Variants in RAB1A observed in about 807,000 individuals in gnomAD.
RAB1A encodes RAB1A, member RAS oncogene family, also known as ras-related protein Rab-1A.
In RAB1A, 2 loss-of-function variants were observed where a neutral mutation model predicts 26.0. The ratio of observed to expected loss-of-function variants is 0.08; its 90% CI spans 0.03 to 0.24. The LOEUF is 0.24. Ranked by LOEUF, RAB1A falls within the 10% of genes least tolerant of loss-of-function variation. The probability of loss-of-function intolerance (pLI) is 1.00; values close to 1 mark genes in which losing one functional copy is unlikely to be tolerated. For missense variants in RAB1A, 100 were observed against 247.0 expected (o/e 0.40, Z 3.99); for synonymous variants, 84 against 84.9 (o/e 0.99, Z 0.06).
At chr2:65,126,310 T>C (rs1291852338) in intron 1 of RAB1A, among the ~76,000 whole-genome samples, 1 of 149,400 alleles carries the variant, frequency 6.7e-6, no homozygotes, top group African/African-American at 2.5e-5. Flanking sequence ...TGAGACTCCA[T>C]CTCGAAAAAA....
intron 1 of RAB1A, among the ~76,000 whole-genome samples, chr2:65,124,578 G>T (rs1670053551): frequency 6.6e-6 from 1 of 152,134 alleles, no homozygotes. Flanking sequence ...TTCCCAAGCA[G>T]CTGGGACTAC....
At chr2:65,091,522 G>A (rs531432952) in intron 3 of RAB1A, among the ~76,000 whole-genome samples, 187 of 152,184 alleles carry the variant, frequency 1.2e-3, no homozygotes, top group African/African-American at 4.4e-3. Context: ...ATCATCCCAA[G>A]CAGGTGTCTT....
At chr2:65,091,432 C>G (rs1223446500) in intron 3 of RAB1A, among the ~76,000 whole-genome samples, 1 of 152,198 alleles carries the variant, frequency 6.6e-6, no homozygotes, top group Non-Finnish European at 1.5e-5. Context: ...AAGACAAACT[C>G]ACTTGCTAGC....
intron 1 of RAB1A, among the ~76,000 whole-genome samples, chr2:65,114,361 T>C (rs1340046372): frequency 6.6e-6 from 1 of 152,176 alleles, no homozygotes; most frequent in Non-Finnish European, 1.5e-5. Context: ...CAAATACAAA[T>C]TTATAAAAAC....
intron 3 of RAB1A, among the ~76,000 whole-genome samples, chr2:65,093,902 G>C (rs769399673): frequency 2.0e-5 from 3 of 151,838 alleles, no homozygotes. Flanking sequence ...GATTACAGGC[G>C]TGAGCCACCG....
chr2:65,088,354 T>C lies in RAB1A; in HGVS notation c.*139A>G. 1.4e-6 allele frequency: 1 copy of C among 699,342 alleles called. No homozygotes were observed. The highest frequency in any genetic ancestry group is 2.3e-6 in the Non-Finnish European group (1 of 439,520). 43.3% of individuals were successfully genotyped at this position (699,342 alleles called of 1,614,324 possible). A position where few individuals can be genotyped will look rare whatever the true frequency, so the allele number is the denominator to read the frequency against. Reference sequence around the variant, plus strand: ...ATAAAAAAAAAGTCAGTATTGACCATTTACAATCTCTGACCTTTGTGGAGA... The same window carrying C: ...ATAAAAAAAAAGTCAGTATTGACCACTTACAATCTCTGACCTTTGTGGAGA... On this transcript the variant is annotated 3_prime_UTR_variant, in exon 6 of 6. Transcript: ENST00000409784.
intron 1 of RAB1A, among the ~76,000 whole-genome samples, chr2:65,114,958 A>T (rs1669792042): frequency 6.6e-6 from 1 of 152,222 alleles, no homozygotes; most frequent in Admixed American, 6.5e-5. Context: ...CATTCTCTCA[A>T]AAGTGGGTTA....
intron 1 of RAB1A, 86 bp from the exon 2 acceptor site, chr2:65,104,892 A>G: frequency 9.1e-7 from 1 of 1,096,856 alleles, no homozygotes; most frequent in Non-Finnish European, 1.4e-6. Flanking sequence ...AGCTACAAAT[A>G]ACAACTCACT....
At chr2:65,120,708 AACGTGAGTATGGCTAC>A (rs1421358815) in intron 1 of RAB1A, among the ~76,000 whole-genome samples, 3 of 152,182 alleles carry the variant, frequency 2.0e-5, no homozygotes, top group Non-Finnish European at 4.4e-5. Context: ...CATCAAATGT[AACGTGAGTATGGCTAC>A]ACGACCATAA....
chr2:65,129,801 T>C (rs1199526702), intron 1 of RAB1A, 92 bp downstream of exon 1: 5 of 1,537,816 alleles, frequency 3.3e-6, no homozygotes, highest in African/African-American at 2.8e-5. Context: ...CCCCAGCCGA[T>C]GCCCCGACTT....
At chr2:65,104,903 G>A (rs1669517672) in intron 1 of RAB1A, 97 bp from the exon 2 acceptor site, 1 of 1,001,316 alleles carries the variant, frequency 1.0e-6, no homozygotes, top group South Asian at 1.3e-5. Flanking sequence ...ACAACTCACT[G>A]TGAAGACTAC....
intron 1 of RAB1A, among the ~76,000 whole-genome samples, chr2:65,124,973 C>CAAA (rs1670063264): frequency 6.7e-6 from 1 of 148,924 alleles, no homozygotes; most frequent in African/African-American, 2.5e-5. Context: ...AAACCACCAC[C>CAAA]AAAAGTCACA....
chr2:65,109,908 G>C (rs2103858577), intron 1 of RAB1A, among the ~76,000 whole-genome samples: 1 of 152,148 alleles, frequency 6.6e-6, no homozygotes, highest in East Asian at 1.9e-4. Flanking sequence ...CCTTACGTTT[G>C]ACATAGCTAT....
Position 65,130,096 on chromosome 2 carries a change from C to G in RAB1A, c.-181G>C, listed in dbSNP as rs1670204286. ...AGCCGCCGCCACTCAGCTATCGCTT[C>G]CACCCAAAATGGCCGCCGGCGAACC... On this transcript the variant is annotated 5_prime_UTR_variant, in exon 1 of 6. Coordinates refer to ENST00000409784, the MANE Select transcript of RAB1A (RefSeq NM_004161.5). 1.3e-6 allele frequency: 1 copy of G among 744,942 alleles called. No homozygotes were observed. Among genetic ancestry groups the G allele is most frequent in the African/African-American group, 1.7e-5 (1 of 57,658 alleles). The allele number at this position is 744,942 out of a possible 1,614,324, so 46.1% of individuals were successfully genotyped here. A position where few individuals can be genotyped will look rare whatever the true frequency, so the allele number is the denominator to read the frequency against.
intron 1 of RAB1A, among the ~76,000 whole-genome samples, chr2:65,126,854 T>A (rs1431059457): frequency 6.6e-6 from 1 of 152,238 alleles, no homozygotes; most frequent in African/African-American, 2.4e-5. Context: ...TCCTTTATTT[T>A]CCAAATTTTC....
At chr2:65,089,616 A>G (rs1477454888) in intron 4 of RAB1A, among the ~76,000 whole-genome samples, 1 of 152,248 alleles carries the variant, frequency 6.6e-6, no homozygotes. Context: ...GTATAGCTTA[A>G]TATTAAACTG....
chr2:65,119,997 C>G (rs192080007), intron 1 of RAB1A, among the ~76,000 whole-genome samples: 8 of 143,678 alleles, frequency 5.6e-5, no homozygotes, highest in African/African-American at 2.1e-4. Context: ...TGCTCTTCAT[C>G]AGGCAGATGC....
chr2:65,089,219 A>AT (rs372663729), intron 4 of RAB1A, 149 bp from the exon 5 acceptor site: 10,662 of 623,580 alleles, frequency 0.017, 10 homozygotes, highest in African/African-American at 0.024. Context: ...GAGTGAAGAG[A>AT]TTTTTTTTTT....
intron 1 of RAB1A, among the ~76,000 whole-genome samples, chr2:65,119,022 C>G (rs1379724432): frequency 1.3e-5 from 2 of 151,374 alleles, no homozygotes; most frequent in African/African-American, 4.9e-5. Context: ...AACCCAGTCT[C>G]TACAAAAAAA....
Sources: gnomAD v4.1 joint callset for allele counts (sites outside exome capture counted in the v4.1 genomes callset) on GRCh38, gnomAD v4.1.1 for gene constraint, MANE v1.5 for transcripts, NCBI Gene and HGNC (gene_info 2026-07-23, HGNC 2026-07-21) for gene names.